The following GLMN variants were observed in gnomAD, a reference collection of about 807,000 sequenced individuals.
The protein encoded by GLMN is glomulin, FKBP associated protein.
A neutral mutation model predicts 87.8 loss-of-function variants in GLMN; 75 were observed. That is an observed-to-expected ratio of 0.85 (90% CI 0.71 to 1.04). The LOEUF (loss-of-function observed/expected upper bound fraction) is 1.04, where lower values mean the gene tolerates loss of function less well. Ranked by LOEUF, GLMN falls within the 50% of genes least tolerant of loss-of-function variation. The pLI is 0.00. For missense variants in GLMN, 588 were observed against 658.8 expected (o/e 0.89, Z 1.18); for synonymous variants, 206 against 221.6 (o/e 0.93, Z 0.63).
In GLMN at chr1:92,283,605, G is replaced by A. The variant is rs535100094; in HGVS notation, c.735+2885C>T. 1.4e-3 allele frequency among the ~76,000 whole-genome samples: 218 copies of A among 152,278 alleles called. 3 individuals are homozygous for A. Among genetic ancestry groups the A allele is most frequent in the African/African-American group, 5.2e-3 (215 of 41,562 alleles). On this transcript the variant is annotated intron_variant, in intron 7 of 18. Transcript: ENST00000370360. ...CACCACTCCTATTCAACACAGTGTT[G>A]GAAGTTCTGGCTAGGGCAATCAGGC...
chr1:92,324,078 G>A, the GLMN span: 1 of 1,614,070 alleles, frequency 6.2e-7, no homozygotes, highest in Admixed American at 1.7e-5. Flanking sequence ...TGAGGTTTTT[G>A]TATGGCCAGA....
At chr1:92,347,482 G>A in the GLMN span, among the ~76,000 whole-genome samples, 18 of 152,262 alleles carry the variant, frequency 1.2e-4, no homozygotes, top group South Asian at 3.5e-3. Flanking sequence ...ACTAATCTCA[G>A]AATCTTGCTT....
the GLMN span, among the ~76,000 whole-genome samples, chr1:92,309,264 A>C: frequency 6.6e-6 from 1 of 152,126 alleles, no homozygotes; most frequent in Non-Finnish European, 1.5e-5. Flanking sequence ...CAACATGGTG[A>C]AACCCTGTCT....
chr1:92,246,702 C>T (rs1357742186), intron 18 of GLMN, 56 bp from the exon 19 acceptor site: 29 of 905,732 alleles, frequency 3.2e-5, no homozygotes, highest in Non-Finnish European at 5.2e-5. Context: ...CAAAACAAAG[C>T]AAAACACAGA....
chr1:92,307,045 G>A, the GLMN span: 2 of 612,446 alleles, frequency 3.3e-6, no homozygotes, highest in South Asian at 2.2e-5. Context: ...CAAAGGTTCA[G>A]TATCTTATTT....
At chr1:92,266,860 A>T in intron 11 of GLMN, 119 bp from the exon 12 acceptor site, 1 of 674,542 alleles carries the variant, frequency 1.5e-6, no homozygotes, top group South Asian at 1.9e-5. Context: ...GAGATTTAAA[A>T]GTGAAGTAAA....
the GLMN span, chr1:92,333,149 T>A: frequency 2.2e-6 from 1 of 445,236 alleles, no homozygotes; most frequent in Non-Finnish European, 4.0e-6. Context: ...AAAGGAGGTA[T>A]TAATATCCCA....
the GLMN span, among the ~76,000 whole-genome samples, chr1:92,318,755 T>C: frequency 7.8e-3 from 1,182 of 152,318 alleles, 6 homozygotes; most frequent in African/African-American, 0.027. Flanking sequence ...TGAGATATCC[T>C]TTCATATTGA....
the GLMN span, among the ~76,000 whole-genome samples, chr1:92,333,779 C>T: frequency 2.6e-5 from 4 of 152,070 alleles, no homozygotes; most frequent in Non-Finnish European, 4.4e-5. Context: ...AAAGCTAGAC[C>T]CATTTAAATA....
At chr1:92,344,071 C>T in the GLMN span, among the ~76,000 whole-genome samples, 1 of 152,038 alleles carries the variant, frequency 6.6e-6, no homozygotes, top group African/African-American at 2.4e-5. Context: ...ATGTTTACTG[C>T]CATAAACAAT....
At chr1:92,356,603 T>C in the GLMN span, among the ~76,000 whole-genome samples, 1 of 149,410 alleles carries the variant, frequency 6.7e-6, no homozygotes, top group African/African-American at 2.5e-5. Flanking sequence ...TTTTTTTTTT[T>C]TCTGTATTTT....
the GLMN span, among the ~76,000 whole-genome samples, chr1:92,359,054 C>T: frequency 6.5e-4 from 99 of 152,256 alleles, no homozygotes; most frequent in African/African-American, 2.3e-3. Flanking sequence ...GTATCTTGCC[C>T]CCACCTTTTA....
chr1:92,291,417 C>T lies in GLMN; in HGVS notation c.285+1G>A, dbSNP rs768355711. 1.9e-6 allele frequency: 3 copies of T among 1,564,244 alleles called. No homozygotes were observed. Among genetic ancestry groups the T allele is most frequent in the East Asian group, 4.5e-5 (2 of 44,600 alleles). On this transcript the variant is annotated splice_donor_variant, in intron 4 of 18. Transcript: ENST00000370360. LOFTEE classifies it high-confidence loss of function. Reference sequence around the variant, plus strand: ...AAGAGAACCTTGTTTTGTTAACTTACCTTTACCAATAAATCAAAGATCAAA... The same window carrying T: ...AAGAGAACCTTGTTTTGTTAACTTATCTTTACCAATAAATCAAAGATCAAA...
chr1:92,370,420 C>T, the GLMN span, among the ~76,000 whole-genome samples: 1 of 152,102 alleles, frequency 6.6e-6, no homozygotes, highest in African/African-American at 2.4e-5. Flanking sequence ...GAATCATTTT[C>T]AAGAATATGA....
chr1:92,333,066 T>C, the GLMN span, among the ~76,000 whole-genome samples: 1 of 152,168 alleles, frequency 6.6e-6, no homozygotes, highest in Non-Finnish European at 1.5e-5. Flanking sequence ...CTAATTTTAA[T>C]ATTTTAATCC....
At chr1:92,338,990 A>G in the GLMN span, among the ~76,000 whole-genome samples, 4 of 152,310 alleles carry the variant, frequency 2.6e-5, no homozygotes, top group Admixed American at 1.3e-4. Context: ...GCAAACCGAT[A>G]AAGTTATGCT....
intron 16 of GLMN, among the ~76,000 whole-genome samples, chr1:92,250,822 AGTC>A (rs1265004796): frequency 6.6e-6 from 1 of 152,156 alleles, no homozygotes; most frequent in African/African-American, 2.4e-5. Flanking sequence ...TATTTTTCAA[AGTC>A]AGGTTTGTTG....
At chr1:92,299,325 G>A (rs1165889842), upstream of GLMN, among the ~76,000 whole-genome samples, 2 of 152,170 alleles carry the variant, frequency 1.3e-5, no homozygotes, top group Non-Finnish European at 2.9e-5. Context: ...TTTCCTGGCC[G>A]CCCCTCACCC....
At chr1:92,331,084 T>G in the GLMN span, among the ~76,000 whole-genome samples, 1 of 152,130 alleles carries the variant, frequency 6.6e-6, no homozygotes, top group African/African-American at 2.4e-5. Context: ...AATTGTGGAT[T>G]GATTATTTCT....
Sources: allele counts gnomAD v4.1 joint callset (sites outside exome capture counted in the v4.1 genomes callset), GRCh38; gene constraint gnomAD v4.1.1; transcripts MANE v1.5; gene names NCBI Gene and HGNC (gene_info 2026-07-23, HGNC 2026-07-21).